DOCK2: variants seen among roughly 807,000 people sequenced by gnomAD.
The protein encoded by DOCK2 is dedicator of cytokinesis protein 2.
A neutral mutation model predicts 248.9 loss-of-function variants in DOCK2; 87 were observed. The observed-to-expected ratio is 0.35, with a 90% CI of 0.29 to 0.42. The LOEUF (loss-of-function observed/expected upper bound fraction) is 0.42. DOCK2 is among the 10% of genes least tolerant of loss of function. The pLI is 1.00. For missense variants in DOCK2, 1,747 were observed against 2,300.2 expected (o/e 0.76, Z 4.92); for synonymous variants, 805 against 821.6 (o/e 0.98, Z 0.35).
At chr5:169,772,521 A>G (rs1027457602) in intron 25 of DOCK2, among the ~76,000 whole-genome samples, 7 of 152,210 alleles carry the variant, frequency 4.6e-5, no homozygotes, top group African/African-American at 1.7e-4. Context: ...TGTGCTAAAC[A>G]GTTAGGTATA....
chr5:169,680,723 T>TAA (rs547328598), intron 6 of DOCK2, among the ~76,000 whole-genome samples: 1 of 148,794 alleles, frequency 6.7e-6, no homozygotes. Flanking sequence ...CCTGACTCAT[T>TAA]AAAAAAAAAA....
In DOCK2 at chr5:169,702,356, TACA is replaced by T; in HGVS notation, c.1317_1319del (p.Asn439del). On this transcript the variant is annotated inframe_deletion, in exon 14 of 52. Coordinates refer to ENST00000520908, the MANE Select transcript of DOCK2 (RefSeq NM_004946.3). ...TCTCTTACAAGGTGACTTTGACAAGTACAACAAGACCACACAGAGGAATGTGGA... is the reference window on the plus strand; with the variant it reads ...TCTCTTACAAGGTGACTTTGACAAGTACAAGACCACACAGAGGAATGTGGA... 3.1e-6 allele frequency: 5 copies of T among 1,613,966 alleles called. No individual in the cohort carries two copies. Among genetic ancestry groups the T allele is most frequent in the Non-Finnish European group, 4.2e-6 (5 of 1,179,908 alleles).
At chr5:169,802,025 A>G (rs1016439206) in intron 25 of DOCK2, among the ~76,000 whole-genome samples, 4 of 146,626 alleles carry the variant, frequency 2.7e-5, no homozygotes, top group Admixed American at 1.4e-4. Flanking sequence ...ACATGTTTGG[A>G]TTTTTTTTTT....
intron 27 of DOCK2, among the ~76,000 whole-genome samples, chr5:169,853,838 T>TTTTTTTTTTTTG (rs1770747574): frequency 1.5e-5 from 1 of 68,560 alleles, no homozygotes; most frequent in African/African-American, 5.1e-5. Context: ...TTTTTTTTTT[T>TTTTTTTTTTTTG]TTTTTTTTTT....
At chr5:169,641,099 G>A (rs1479365530) in intron 1 of DOCK2, among the ~76,000 whole-genome samples, 1 of 152,200 alleles carries the variant, frequency 6.6e-6, no homozygotes, top group African/African-American at 2.4e-5. Flanking sequence ...TATTCTCATT[G>A]TGTGCGTGTC....
chr5:169,995,769 G>A (rs1483351253), intron 29 of DOCK2, among the ~76,000 whole-genome samples: 1 of 152,142 alleles, frequency 6.6e-6, no homozygotes, highest in Non-Finnish European at 1.5e-5. Flanking sequence ...TGTTTGTTTG[G>A]GGATGGGGGG....
intron 8 of DOCK2, among the ~76,000 whole-genome samples, chr5:169,688,494 T>C (rs1416829664): frequency 5.9e-5 from 9 of 152,212 alleles, no homozygotes; most frequent in Non-Finnish European, 1.3e-4. Flanking sequence ...GGATTTCAGA[T>C]TTTCTCTTGG....
rs141504374 is a variant in DOCK2 at position 169,660,531 on chromosome 5, T to C, written c.127+6045T>C. ...TTGGAGTGCTTTCTAAGTGAACACA[T>C]ATCTATTACCACATTGTTGGTTTGG... On this transcript the variant is annotated intron_variant, in intron 2 of 51. Transcript: ENST00000520908. 5.1e-4 allele frequency among the ~76,000 whole-genome samples: 78 copies of C among 152,302 alleles called. 1 individual carries two copies. Among genetic ancestry groups the C allele is most frequent in the African/African-American group, 1.9e-3 (77 of 41,568 alleles).
intron 27 of DOCK2, among the ~76,000 whole-genome samples, chr5:169,890,937 C>T (rs1363859612): frequency 6.6e-6 from 1 of 152,178 alleles, no homozygotes; most frequent in African/African-American, 2.4e-5. Flanking sequence ...AATCAGATCA[C>T]ATCAGGCCCC....
chr5:169,667,347 T>A (rs1489286250), intron 2 of DOCK2, among the ~76,000 whole-genome samples: 1 of 152,228 alleles, frequency 6.6e-6, no homozygotes, highest in Non-Finnish European at 1.5e-5. Context: ...GGTTGTATGA[T>A]CTTGGCCCAG....
At chr5:169,731,976 CT>C (rs757011593) in intron 22 of DOCK2, among the ~76,000 whole-genome samples, 1 of 152,082 alleles carries the variant, frequency 6.6e-6, no homozygotes, top group Non-Finnish European at 1.5e-5. Context: ...AAAAATTAGT[CT>C]GGCATGGTGG....
intron 43 of DOCK2, chr5:170,057,302 T>G (rs1309696449): frequency 4.1e-6 from 2 of 482,828 alleles, no homozygotes; most frequent in Non-Finnish European, 7.5e-6. Flanking sequence ...AGAAAACAAA[T>G]GGACACATTC....
At chr5:169,642,369 T>G (rs547442419) in intron 1 of DOCK2, among the ~76,000 whole-genome samples, 1 of 152,328 alleles carries the variant, frequency 6.6e-6, no homozygotes, top group Admixed American at 6.5e-5. Context: ...AAAAAGAATT[T>G]CATGAATAAA....
chr5:169,674,402 G>A lies in DOCK2; in HGVS notation c.427G>A (p.Glu143Lys), dbSNP rs1759214099. The A allele has an allele frequency of 1.2e-6, 2 of 1,614,140 alleles. No individual in the cohort carries two copies. The highest frequency in any genetic ancestry group is 1.7e-6 in the Non-Finnish European group (2 of 1,180,006). ...SGTLPKDELKELKQKVTSKID... is the reference protein window; with the variant it reads ...SGTLPKDELKKLKQKVTSKID... ...AACCTTACCCAAGGATGAGCTGAAG[G>A]AACTGAAGCAGAAAGTCACGTCCAA... Residue 143 changes from glutamate to lysine, a missense_variant, in exon 6 of 52, where the codon GAA (glutamate) becomes AAA (lysine). Physicochemically the swap from Glu to Lys is moderately conservative, Grantham distance 56. Transcript: ENST00000520908.
chr5:169,868,224 G>A (rs1009049988), intron 27 of DOCK2, among the ~76,000 whole-genome samples: 29 of 152,200 alleles, frequency 1.9e-4, no homozygotes, highest in African/African-American at 7.0e-4. Flanking sequence ...TGTCCCCAGT[G>A]TGTTTGAGAT....
intron 27 of DOCK2, among the ~76,000 whole-genome samples, chr5:169,895,936 A>G (rs1465928592): frequency 3.9e-5 from 6 of 152,186 alleles, no homozygotes; most frequent in African/African-American, 1.2e-4. Context: ...TGGCCTGGAG[A>G]TGTCCCCGAT....
intron 28 of DOCK2, among the ~76,000 whole-genome samples, chr5:169,985,348 CGTGTGTGTGTGTGTGTGTGTGTGTGT>C (rs5873200): frequency 7.3e-6 from 1 of 136,760 alleles, no homozygotes; most frequent in African/African-American, 2.8e-5. Context: ...CTAATCTGCT[CGTGTGTGTGTGTGTGTGTGTGTGTGT>C]GTGTGTGTGT....
intron 27 of DOCK2, among the ~76,000 whole-genome samples, chr5:169,894,619 A>G (rs1398365450): frequency 6.6e-6 from 1 of 152,206 alleles, no homozygotes; most frequent in Non-Finnish European, 1.5e-5. Context: ...TCGGTGGCAC[A>G]AGCAGTTTGC....
intron 26 of DOCK2, among the ~76,000 whole-genome samples, chr5:169,805,167 C>T (rs1767278206): frequency 6.7e-6 from 1 of 148,914 alleles, no homozygotes; most frequent in Non-Finnish European, 1.5e-5. Flanking sequence ...TTACTTGAGG[C>T]CAGGAGTTTG....
Sources: allele counts gnomAD v4.1 joint callset (sites outside exome capture counted in the v4.1 genomes callset), GRCh38; gene constraint gnomAD v4.1.1; transcripts MANE v1.5; gene names NCBI Gene and HGNC (gene_info 2026-07-23, HGNC 2026-07-21).